Variants in SLIT2 observed in about 807,000 individuals in gnomAD.
The protein encoded by SLIT2 is slit guidance ligand 2.
In SLIT2, 41 loss-of-function variants were observed where a neutral mutation model predicts 185.7. The ratio of observed to expected loss-of-function variants is 0.22; its 90% confidence interval spans 0.17 to 0.29. The LOEUF (loss-of-function observed/expected upper bound fraction) is 0.29, where lower values mean the gene tolerates loss of function less well. SLIT2 is among the 10% of genes least tolerant of loss of function. SLIT2 has a pLI of 1.00. For missense variants in SLIT2, 1,571 were observed against 1,909.0 expected (o/e 0.82, Z 3.30); for synonymous variants, 693 against 680.2 (o/e 1.02, Z -0.29).
intron 4 of SLIT2, among the ~76,000 whole-genome samples, chr4:20,333,037 A>G (rs547213651): frequency 3.2e-4 from 49 of 152,268 alleles, no homozygotes; most frequent in Admixed American, 1.3e-3. Context: ...ATTTTAGTAT[A>G]TTTAAGACTA....
chr4:20,559,640 C>T (rs1411549168), intron 26 of SLIT2, among the ~76,000 whole-genome samples: 1 of 151,750 alleles, frequency 6.6e-6, no homozygotes, highest in Non-Finnish European at 1.5e-5. Context: ...ATTTTTATCT[C>T]TTTTAATCTT....
At chr4:20,308,029 G>C (rs148580870) in intron 4 of SLIT2, among the ~76,000 whole-genome samples, 2 of 152,152 alleles carry the variant, frequency 1.3e-5, no homozygotes. Context: ...GCAAGGAGGA[G>C]ATTAATTATT....
At chr4:20,350,824 C>G (rs1294761546) in intron 4 of SLIT2, among the ~76,000 whole-genome samples, 1 of 151,692 alleles carries the variant, frequency 6.6e-6, no homozygotes, top group Non-Finnish European at 1.5e-5. Context: ...GACCCCATCT[C>G]TACAAAAAAA....
At chr4:20,321,368 C>T (rs572106123) in intron 4 of SLIT2, among the ~76,000 whole-genome samples, 14 of 152,302 alleles carry the variant, frequency 9.2e-5, no homozygotes, top group East Asian at 7.7e-4. Context: ...CCCTCACTAA[C>T]GCTTGGCTCC....
chr4:20,342,717 C>CTTTTTTT lies in SLIT2; in HGVS notation c.395+73855_395+73861dup, dbSNP rs11373611. Among the ~76,000 whole-genome samples the CTTTTTTT allele has an allele frequency of 1.3e-4, 9 of 69,680 alleles. 1 individual carries two copies. Among genetic ancestry groups the CTTTTTTT allele is most frequent in the Non-Finnish European group, 1.5e-4 (6 of 40,968 alleles). The allele number at this position is 69,680 out of a possible 152,430, so 45.7% of individuals were successfully genotyped here. ...ATTCTGCCATTCATCGACTATCGCA[C>CTTTTTTT]TTTTTTTTTTTTTTTTTTTTTTTTT... On this transcript the variant is annotated intron_variant, in intron 4 of 36. Coordinates refer to ENST00000504154, the MANE Select transcript of SLIT2 (RefSeq NM_004787.4).
At chr4:20,381,126 G>A (rs1724471771) in intron 4 of SLIT2, among the ~76,000 whole-genome samples, 1 of 151,974 alleles carries the variant, frequency 6.6e-6, no homozygotes, top group Non-Finnish European at 1.5e-5. Context: ...TGGTGGTAAC[G>A]CCTGTAATCG....
At chr4:20,448,350 G>C in intron 4 of SLIT2, among the ~76,000 whole-genome samples, 1 of 151,972 alleles carries the variant, frequency 6.6e-6, no homozygotes, top group Non-Finnish European at 1.5e-5. Context: ...CACTCAGGCC[G>C]GAGTGCAGTG....
chr4:20,286,742 C>T (rs1352161584), intron 4 of SLIT2, among the ~76,000 whole-genome samples: 2 of 152,150 alleles, frequency 1.3e-5, no homozygotes, highest in Non-Finnish European at 2.9e-5. Context: ...GCAAAGGTTG[C>T]AGTGAGCTGA....
intron 4 of SLIT2, chr4:20,394,596 C>T (rs1725728158): frequency 6.6e-6 from 1 of 151,902 alleles, no homozygotes; most frequent in Non-Finnish European, 1.5e-5. Context: ...GAGATCCAAA[C>T]CTTTCTGAAG....
In SLIT2 at chr4:20,511,775, A is replaced by C. The variant is rs114895607; in HGVS notation, c.1058+638A>C. 7.4e-3 allele frequency among the ~76,000 whole-genome samples: 1,120 copies of C among 151,690 alleles called. 10 individuals carry two copies. The highest frequency in any genetic ancestry group is 0.014 in the Middle Eastern group (4 of 294). On this transcript the variant is annotated intron_variant, in intron 11 of 36. Transcript: ENST00000504154. ...AAAGAAAATATTTATTTTGGAAAGC[A>C]TGTAGCTAGTATCTGGAGACAATAT...
chr4:20,287,278 C>A (rs574425304), intron 4 of SLIT2, among the ~76,000 whole-genome samples: 13 of 152,272 alleles, frequency 8.5e-5, no homozygotes, highest in African/African-American at 3.1e-4. Flanking sequence ...GCTCTACTGA[C>A]CTACCTGATT....
At chr4:20,570,446 T>G (rs1299370254) in intron 29 of SLIT2, among the ~76,000 whole-genome samples, 2 of 151,910 alleles carry the variant, frequency 1.3e-5, no homozygotes, top group African/African-American at 4.8e-5. Context: ...CTTGGAGCCC[T>G]TTGAGCTGCC....
intron 4 of SLIT2, among the ~76,000 whole-genome samples, chr4:20,362,616 A>C (rs2109297562): frequency 6.6e-6 from 1 of 151,694 alleles, no homozygotes; most frequent in African/African-American, 2.4e-5. Flanking sequence ...GTGCTGTTTT[A>C]CTTTTTTGTA....
intron 33 of SLIT2, 58 bp downstream of exon 33, chr4:20,598,453 T>C: frequency 6.3e-7 from 1 of 1,582,788 alleles, no homozygotes; most frequent in South Asian, 1.1e-5. Context: ...AAGAACTGCT[T>C]CTCCTCTATC....
chr4:20,558,092 T>C (rs1724407435), intron 26 of SLIT2, among the ~76,000 whole-genome samples: 1 of 152,038 alleles, frequency 6.6e-6, no homozygotes, highest in Admixed American at 6.6e-5. Context: ...GAAGATGCTG[T>C]GAACATTGTT....
chr4:20,288,918 C>T (rs899268909), intron 4 of SLIT2, among the ~76,000 whole-genome samples: 2 of 152,116 alleles, frequency 1.3e-5, no homozygotes, highest in Admixed American at 6.5e-5. Context: ...GAGATATCTC[C>T]CCTCAAGATG....
At chr4:20,510,650 A>T in intron 10 of SLIT2, 84 bp downstream of exon 10, 1 of 801,166 alleles carries the variant, frequency 1.2e-6, no homozygotes. Flanking sequence ...AAGTATGAGT[A>T]TATAAGTGTT....
At chr4:20,403,552 T>A (rs1459256345) in intron 4 of SLIT2, among the ~76,000 whole-genome samples, 3 of 151,894 alleles carry the variant, frequency 2.0e-5, no homozygotes, top group Non-Finnish European at 4.4e-5. Context: ...CTAGTCCCAT[T>A]GGGGAAATTG....
intron 4 of SLIT2, among the ~76,000 whole-genome samples, chr4:20,288,605 C>T (rs1404454539): frequency 6.6e-6 from 1 of 152,106 alleles, no homozygotes; most frequent in East Asian, 1.9e-4. Context: ...AACAATAAGA[C>T]ATAAAACATT....
Sources: gnomAD v4.1 joint callset for allele counts (sites outside exome capture counted in the v4.1 genomes callset) on GRCh38, gnomAD v4.1.1 for gene constraint, MANE v1.5 for transcripts, NCBI Gene and HGNC (gene_info 2026-07-23, HGNC 2026-07-21) for gene names.